TMX4: variants seen among roughly 807,000 people sequenced by gnomAD.
TMX4 encodes the protein thioredoxin related transmembrane protein 4.
A neutral mutation model predicts 33.3 loss-of-function variants in TMX4; 23 were observed. The observed-to-expected ratio is 0.69, with a 90% confidence interval of 0.50 to 0.98. The LOEUF is 0.98. TMX4 is among the 50% of genes least tolerant of loss of function. The pLI is 0.00. For synonymous variants in TMX4, 164 were observed against 161.5 expected (o/e 1.02, Z -0.12); for missense variants, 399 against 448.9 (o/e 0.89, Z 1.01).
At chr20:8,012,039 T>C (rs982184149) in intron 1 of TMX4, among the ~76,000 whole-genome samples, 8 of 152,138 alleles carry the variant, frequency 5.3e-5, no homozygotes, top group African/African-American at 1.9e-4. Context: ...GAAAATAAGT[T>C]ATTTTCTATG....
intron 1 of TMX4, among the ~76,000 whole-genome samples, chr20:8,012,648 C>T (rs892166696): frequency 9.2e-5 from 14 of 152,198 alleles, no homozygotes; most frequent in Admixed American, 5.2e-4. Context: ...TTCCCTAGGA[C>T]GCTCTTTGCA....
At chr20:7,996,169 T>C in intron 4 of TMX4, 98 bp from the exon 5 acceptor site, 3 of 869,334 alleles carry the variant, frequency 3.5e-6, no homozygotes, top group South Asian at 3.3e-5. Context: ...CTCCACTTCT[T>C]GCTAAATATT....
At position 7,977,668 on chromosome 20, in the gene TMX4, T is replaced by C. The variant is rs1414782129; in HGVS notation, c.*4583A>G. The C allele has an allele frequency of 1.3e-5, 2 of 152,234 alleles. No homozygotes were observed. The highest frequency in any genetic ancestry group is 2.9e-5 in the Non-Finnish European group (2 of 68,040). The allele number at this position is 152,234 out of a possible 1,614,324, so 9.4% of individuals were successfully genotyped here. A position where few individuals can be genotyped will look rare whatever the true frequency, so the allele number is the denominator to read the frequency against. The stretch of plus-strand genomic sequence containing the variant: ...AATACAGAAAGAAAAATAATTAGGT[T>C]CATTAGGCTAAGACTAATACCAGTA... On this transcript the variant is annotated 3_prime_UTR_variant, in exon 8 of 8. Coordinates refer to ENST00000246024, the MANE Select transcript of TMX4 (RefSeq NM_021156.4).
chr20:7,988,176 T>C (rs1285215920), intron 5 of TMX4, among the ~76,000 whole-genome samples: 1 of 152,196 alleles, frequency 6.6e-6, no homozygotes, highest in East Asian at 1.9e-4. Flanking sequence ...TCACAATCAC[T>C]TAGTCATTTG....
rs1302926329 is a variant in TMX4 at position 7,979,980 on chromosome 20, T to C, written c.*2271A>G. 4 of 152,302 alleles carry C rather than the reference T, an allele frequency of 2.6e-5. No homozygotes were observed. The East Asian group carries it at 7.7e-4, about 29-fold the overall frequency. 9.4% of individuals were successfully genotyped at this position (152,302 alleles called of 1,614,324 possible). A position where few individuals can be genotyped will look rare whatever the true frequency, so the allele number is the denominator to read the frequency against. On this transcript the variant is annotated 3_prime_UTR_variant, in exon 8 of 8. Coordinates refer to ENST00000246024, the MANE Select transcript of TMX4 (RefSeq NM_021156.4). ...ATTTTATCCAATATTTTTAATAATCTTGGGCATGGAACAAAGTTTTGATTG... is the reference window on the plus strand; with the variant it reads ...ATTTTATCCAATATTTTTAATAATCCTGGGCATGGAACAAAGTTTTGATTG...
chr20:7,989,847 C>G (rs944640490), intron 5 of TMX4, among the ~76,000 whole-genome samples: 2 of 152,114 alleles, frequency 1.3e-5, no homozygotes, highest in Non-Finnish European at 2.9e-5. Context: ...AACTACCAGG[C>G]AAAGTGACAG....
At chr20:7,994,794 A>G (rs576484788) in intron 5 of TMX4, among the ~76,000 whole-genome samples, 1 of 152,348 alleles carries the variant, frequency 6.6e-6, no homozygotes, top group East Asian at 1.9e-4. Flanking sequence ...TAATATCAAC[A>G]TACTGCAAAA....
At chr20:8,003,109 T>A (rs1251910653) in intron 2 of TMX4, among the ~76,000 whole-genome samples, 2 of 152,134 alleles carry the variant, frequency 1.3e-5, no homozygotes, top group Non-Finnish European at 2.9e-5. Context: ...AATTCTAACT[T>A]GCCAGGGGAA....
At chr20:7,989,106 A>C (rs545783729) in intron 5 of TMX4, among the ~76,000 whole-genome samples, 6 of 152,206 alleles carry the variant, frequency 3.9e-5, no homozygotes, top group African/African-American at 1.4e-4. Flanking sequence ...ATTTCATTCA[A>C]ACTCTTTTCA....
chr20:7,988,436 G>A (rs142965269), intron 5 of TMX4, among the ~76,000 whole-genome samples: 4 of 152,226 alleles, frequency 2.6e-5, no homozygotes, highest in Admixed American at 6.5e-5. Flanking sequence ...GCTTAATTTG[G>A]AATGATAAAT....
intron 5 of TMX4, among the ~76,000 whole-genome samples, chr20:7,993,538 G>A (rs1050888261): frequency 5.3e-5 from 8 of 152,040 alleles, no homozygotes; most frequent in African/African-American, 1.9e-4. Context: ...GGTGGGAGTG[G>A]GGACCAGAGA....
chr20:7,995,368 A>G (rs2122862445), intron 5 of TMX4, among the ~76,000 whole-genome samples: 1 of 152,334 alleles, frequency 6.6e-6, no homozygotes, highest in South Asian at 2.1e-4. Flanking sequence ...AGGTTATGGG[A>G]CATACTCAAC....
intron 2 of TMX4, among the ~76,000 whole-genome samples, chr20:8,009,028 A>G (rs150040400): frequency 1.4e-3 from 211 of 152,246 alleles, no homozygotes; most frequent in Admixed American, 3.1e-3. Flanking sequence ...TATTATAGAA[A>G]ATGAATGTCT....
intron 2 of TMX4, among the ~76,000 whole-genome samples, chr20:8,005,059 C>T (rs937609570): frequency 3.9e-5 from 6 of 152,278 alleles, no homozygotes; most frequent in Admixed American, 3.9e-4. Context: ...ATAAAATTTA[C>T]ATTTATAAAA....
intron 4 of TMX4, among the ~76,000 whole-genome samples, chr20:7,998,394 A>AT (rs2050686414): frequency 6.6e-6 from 1 of 152,068 alleles, no homozygotes; most frequent in African/African-American, 2.4e-5. Flanking sequence ...GCCTACCTTC[A>AT]TAACATATTT....
At chr20:7,983,242 A>G (rs2050616714) in intron 7 of TMX4, among the ~76,000 whole-genome samples, 2 of 152,238 alleles carry the variant, frequency 1.3e-5, no homozygotes, top group Admixed American at 1.3e-4. Context: ...CAAATTATCA[A>G]TGGAAGTCTC....
At chr20:8,007,663 A>G (rs2050736422) in intron 2 of TMX4, among the ~76,000 whole-genome samples, 1 of 152,116 alleles carries the variant, frequency 6.6e-6, no homozygotes, top group South Asian at 2.1e-4. Flanking sequence ...TGTTCTCCAA[A>G]TAAGCCAAGT....
rs2050590089 is a variant in TMX4 at position 7,978,396 on chromosome 20, A to T, written c.*3855T>A. On this transcript the variant is annotated 3_prime_UTR_variant, in exon 8 of 8. Coordinates refer to ENST00000246024, the MANE Select transcript of TMX4 (RefSeq NM_021156.4). ...AGCTCCACTACTGATGCATTTGGTA[A>T]TAAAAAGTCACATGGTAAGTATTTG... The T allele has an allele frequency of 6.6e-6, 1 of 152,200 alleles. No individual in the cohort carries two copies. The highest frequency in any genetic ancestry group is 2.1e-4 in the South Asian group (1 of 4,834). The allele number at this position is 152,200 out of a possible 1,614,324, so 9.4% of individuals were successfully genotyped here.
chr20:7,983,890 G>C (rs1266651798), intron 6 of TMX4, 33 bp from the exon 7 acceptor site: 2 of 1,553,166 alleles, frequency 1.3e-6, no homozygotes, highest in Non-Finnish European at 1.8e-6. Flanking sequence ...ACAGTGAATA[G>C]ATAGGACATT....
Sources: gnomAD v4.1 joint callset for allele counts (sites outside exome capture counted in the v4.1 genomes callset) on GRCh38, gnomAD v4.1.1 for gene constraint, MANE v1.5 for transcripts, NCBI Gene and HGNC (gene_info 2026-07-23, HGNC 2026-07-21) for gene names.